The following TRAPPC10 variants were observed in gnomAD, a reference collection of about 807,000 sequenced individuals.
TRAPPC10 encodes trafficking protein particle complex subunit 10.
Under a neutral mutation model 125.5 loss-of-function variants are expected in TRAPPC10, and 23 were observed. The ratio of observed to expected loss-of-function variants is 0.18; its 90% CI spans 0.13 to 0.26. TRAPPC10 has a LOEUF of 0.26. TRAPPC10 is among the 10% of genes least tolerant of loss of function. The pLI is 1.00. For missense variants in TRAPPC10, 1,123 were observed against 1,308.4 expected (o/e 0.86, Z 2.19); for synonymous variants, 509 against 518.0 (o/e 0.98, Z 0.24).
Position 44,093,932 on chromosome 21 carries a change from G to A in TRAPPC10, c.2998-131G>A, listed in dbSNP as rs139701822. On this transcript the variant is annotated intron_variant, in intron 19 of 22. Coordinates refer to ENST00000291574, the MANE Select transcript of TRAPPC10 (RefSeq NM_003274.5). ...GGGGCCTAAAGCAGCATGCATAGGC[G>A]TGCTGTGAGGCGGGGCCTGCCCATG... 218 of 901,042 alleles carry A rather than the reference G, an allele frequency of 2.4e-4. No individual in the cohort carries two copies. In the East Asian group the frequency reaches 4.6e-3, roughly 19 times the overall value. 55.8% of individuals were successfully genotyped at this position (901,042 alleles called of 1,614,324 possible). A position where few individuals can be genotyped will look rare whatever the true frequency, so the allele number is the denominator to read the frequency against.
chr21:44,047,256 C>G (rs1247801796), intron 3 of TRAPPC10, among the ~76,000 whole-genome samples: 1 of 152,214 alleles, frequency 6.6e-6, no homozygotes, highest in Non-Finnish European at 1.5e-5. Flanking sequence ...CATCTTGTCT[C>G]ACCACAACCT....
chr21:44,080,183 A>T, intron 13 of TRAPPC10, 56 bp downstream of exon 13: 1 of 1,457,638 alleles, frequency 6.9e-7, no homozygotes, highest in Non-Finnish European at 9.5e-7. Context: ...ACAGAAGTAA[A>T]AAAGAATACA....
At chr21:44,026,543 C>T (rs919044105) in intron 1 of TRAPPC10, among the ~76,000 whole-genome samples, 1 of 152,190 alleles carries the variant, frequency 6.6e-6, no homozygotes, top group African/African-American at 2.4e-5. Context: ...GAAGACGGTG[C>T]CCTCTCTAAT....
chr21:44,052,251 T>C, intron 3 of TRAPPC10, 29 bp from the exon 4 acceptor site: 1 of 1,545,560 alleles, frequency 6.5e-7, no homozygotes, highest in East Asian at 2.3e-5. Context: ...TTAGTTAACC[T>C]GCTTTCACAG....
chr21:44,020,520 T>C (rs1039346450), intron 1 of TRAPPC10, among the ~76,000 whole-genome samples: 7 of 152,196 alleles, frequency 4.6e-5, no homozygotes, highest in African/African-American at 1.7e-4. Context: ...CTTCTAGTCC[T>C]AGCTACTTGG....
chr21:44,090,525 T>G (rs1374880369), intron 18 of TRAPPC10, among the ~76,000 whole-genome samples: 1 of 152,226 alleles, frequency 6.6e-6, no homozygotes, highest in Admixed American at 6.5e-5. Flanking sequence ...CACTGCCCAG[T>G]GTCCTCTGGG....
In TRAPPC10 at chr21:44,086,802, A is replaced by G. The variant is rs746462517; in HGVS notation, c.2381A>G (p.Asp794Gly). The G allele has an allele frequency of 6.2e-6, 10 of 1,613,982 alleles. No homozygotes were observed. In the African/African-American group the frequency reaches 1.2e-4, roughly 19 times the overall value. ...EPQLHVEPLA[D>G]SLLAGIPQRV... Reference sequence around the variant, plus strand: ...TGAGCCACGATCTCTTTTCCTTTAGATAGCCTTCTGGCAGGCATTCCTCAG... The same window carrying G: ...TGAGCCACGATCTCTTTTCCTTTAGGTAGCCTTCTGGCAGGCATTCCTCAG... Residue 794 changes from aspartate (D) to glycine (G), a missense_variant and splice_region_variant, in exon 16 of 23, where the codon GAT becomes GGT. Asp to Gly is a moderately conservative substitution (Grantham distance 94, BLOSUM62 -1). Around this residue, in one of 4 missense-constraint regions of TRAPPC10, gnomAD observed 840 missense variants for 902.0 expected, o/e 0.93. Transcript: ENST00000291574.
intron 13 of TRAPPC10, 77 bp downstream of exon 13, chr21:44,080,204 A>C: frequency 8.1e-7 from 1 of 1,236,866 alleles, no homozygotes; most frequent in Non-Finnish European, 1.2e-6. Context: ...AGATATACCA[A>C]CCACTTACAG....
chr21:44,041,826 A>G (rs1272276131), intron 3 of TRAPPC10, among the ~76,000 whole-genome samples: 2 of 152,092 alleles, frequency 1.3e-5, no homozygotes, highest in Non-Finnish European at 2.9e-5. Context: ...TCCCAGGTCC[A>G]AGTGATTCTT....
intron 1 of TRAPPC10, among the ~76,000 whole-genome samples, chr21:44,024,586 G>T (rs147839691): frequency 6.6e-6 from 1 of 152,272 alleles, no homozygotes; most frequent in Non-Finnish European, 1.5e-5. Context: ...ATCCCATAAG[G>T]AATGAACAGT....
At chr21:44,039,183 G>A (rs2034229847) in intron 3 of TRAPPC10, among the ~76,000 whole-genome samples, 1 of 152,224 alleles carries the variant, frequency 6.6e-6, no homozygotes, top group Non-Finnish European at 1.5e-5. Context: ...CCCTCACCCA[G>A]TGGTGATTCT....
rs756095616 is a variant in TRAPPC10, at chr21:44,077,783, A to C, written c.1468A>C (p.Met490Leu). The change falls in exon 11 of 23, where the codon ATG (methionine) becomes CTG (leucine). Residue 490 changes from methionine to leucine, a missense_variant and splice_region_variant. Coordinates refer to ENST00000291574, the MANE Select transcript of TRAPPC10 (RefSeq NM_003274.5). ...FVGKDLAEFY[M>L]RKKAPQKAEI... ...TGGAAAAGATCTGGCAGAGTTTTAC[A>C]TGTAATTGATTTTGTACTTTTCTTT... 2 of 1,604,800 alleles carry C rather than the reference A, an allele frequency of 1.2e-6. No individual in the cohort carries two copies. The highest frequency in any genetic ancestry group is 1.3e-5 in the African/African-American group (1 of 74,794).
intron 3 of TRAPPC10, among the ~76,000 whole-genome samples, chr21:44,049,643 C>A (rs1305356104): frequency 6.6e-6 from 1 of 152,196 alleles, no homozygotes; most frequent in East Asian, 1.9e-4. Context: ...TGGGGCCTCA[C>A]ATCTTGTTCT....
At chr21:44,073,528 TTTTTTTG>T (rs1472344358) in intron 7 of TRAPPC10, among the ~76,000 whole-genome samples, 1 of 152,152 alleles carries the variant, frequency 6.6e-6, no homozygotes, top group East Asian at 1.9e-4. Flanking sequence ...AGTGTTTTCT[TTTTTTTG>T]TTTTTTAAGT....
At chr21:44,020,305 T>C (rs1051505399) in intron 1 of TRAPPC10, among the ~76,000 whole-genome samples, 8 of 151,960 alleles carry the variant, frequency 5.3e-5, no homozygotes, top group African/African-American at 1.9e-4. Flanking sequence ...TTTTTTGTAT[T>C]TTTAGTAAGG....
intron 1 of TRAPPC10, among the ~76,000 whole-genome samples, chr21:44,030,610 G>T (rs1408952250): frequency 6.6e-6 from 1 of 152,022 alleles, no homozygotes; most frequent in Non-Finnish European, 1.5e-5. Context: ...AGGATTACAG[G>T]CATGCGCCAC....
chr21:44,061,330 G>A (rs1317251052), intron 6 of TRAPPC10, among the ~76,000 whole-genome samples: 2 of 151,926 alleles, frequency 1.3e-5, no homozygotes, highest in African/African-American at 4.8e-5. Flanking sequence ...TAGTAGAGAC[G>A]GGGTTTCACC....
At chr21:44,084,573 T>TA (rs1172211065) in intron 15 of TRAPPC10, among the ~76,000 whole-genome samples, 1 of 152,174 alleles carries the variant, frequency 6.6e-6, no homozygotes, top group East Asian at 1.9e-4. Flanking sequence ...TCACTCAACC[T>TA]AATGGTCAAT....
intron 1 of TRAPPC10, among the ~76,000 whole-genome samples, chr21:44,016,691 CTT>C (rs750560331): frequency 1.3e-5 from 2 of 152,084 alleles, no homozygotes; most frequent in Non-Finnish European, 2.9e-5. Flanking sequence ...CGGAGTCTTG[CTT>C]TGTTGCCCAG....
Sources: gnomAD v4.1 joint callset for allele counts (sites outside exome capture counted in the v4.1 genomes callset) on GRCh38, gnomAD v4.1.1 for gene constraint, gnomAD v4.1.1 regional missense constraint, MANE v1.5 for transcripts, NCBI Gene and HGNC (gene_info 2026-07-23, HGNC 2026-07-21) for gene names.